MED1: variants seen among roughly 807,000 people sequenced by gnomAD.
MED1 encodes the protein mediator of RNA polymerase II transcription subunit 1.
MED1 carries 17 observed loss-of-function variants against 121.3 expected under a neutral mutation model. The ratio of observed to expected loss-of-function variants is 0.14; its 90% CI spans 0.10 to 0.21. The LOEUF is 0.21. Ranked by LOEUF, MED1 falls within the 10% of genes least tolerant of loss-of-function variation. The probability of loss-of-function intolerance (pLI) is 1.00; values close to 1 mark genes in which losing one functional copy is unlikely to be tolerated. For synonymous variants in MED1, 661 were observed against 694.4 expected (o/e 0.95, Z 0.76); for missense variants, 1,558 against 1,919.4 (o/e 0.81, Z 3.52).
intron 10 of MED1, among the ~76,000 whole-genome samples, chr17:39,425,593 G>C (rs1189959679): frequency 6.6e-6 from 1 of 151,918 alleles, no homozygotes; most frequent in Non-Finnish European, 1.5e-5. Context: ...CACAAGGTCA[G>C]GGGTTCAAGA....
chr17:39,412,975 A>G (rs1267876691), intron 16 of MED1, among the ~76,000 whole-genome samples: 1 of 152,230 alleles, frequency 6.6e-6, no homozygotes. Flanking sequence ...ATTTATTTAC[A>G]AAAATAGGCT....
At chr17:39,427,858 T>C (rs1178972709) in intron 9 of MED1, 68 bp from the exon 10 acceptor site, 2 of 973,240 alleles carry the variant, frequency 2.1e-6, no homozygotes, top group Non-Finnish European at 3.1e-6. Flanking sequence ...AACATTAACA[T>C]TTATTATATA....
At position 39,405,890 on chromosome 17, in the gene MED1, A is replaced by G. The variant is rs2048299180; in HGVS notation, c.*1585T>C. Reference sequence around the variant, plus strand: ...ATGAAGTCACTCCACTTACGACATAACACACAAAGGAATCACCTGGCTTTT... The same window carrying G: ...ATGAAGTCACTCCACTTACGACATAGCACACAAAGGAATCACCTGGCTTTT... On this transcript the variant is annotated 3_prime_UTR_variant, in exon 17 of 17. Transcript: ENST00000300651. The G allele has an allele frequency of 1.0e-6, 1 of 985,456 alleles. No individual in the cohort carries two copies. The allele number at this position is 985,456 out of a possible 1,614,324, so 61.0% of individuals were successfully genotyped here. A position where few individuals can be genotyped will look rare whatever the true frequency, so the allele number is the denominator to read the frequency against.
chr17:39,415,627 A>G (rs559393315), intron 14 of MED1, among the ~76,000 whole-genome samples: 50 of 152,250 alleles, frequency 3.3e-4, no homozygotes, highest in East Asian at 1.9e-4. Flanking sequence ...CCTGACCAAC[A>G]TGGACAAACC....
At chr17:39,432,251 G>A (rs1190045151) in intron 7 of MED1, among the ~76,000 whole-genome samples, 1 of 148,298 alleles carries the variant, frequency 6.7e-6, no homozygotes, top group Non-Finnish European at 1.5e-5. Flanking sequence ...GGTGAGGCAG[G>A]AGAATTGCTT....
chr17:39,427,993 G>C (rs1462544022), intron 9 of MED1, among the ~76,000 whole-genome samples: 2 of 152,086 alleles, frequency 1.3e-5, no homozygotes, highest in Non-Finnish European at 2.9e-5. Flanking sequence ...CCGGCAAGAG[G>C]ATCACTTGAG....
rs750949083 is a variant in MED1 at position 39,405,004 on chromosome 17, CTG to C, written c.*2469_*2470del. On this transcript the variant is annotated 3_prime_UTR_variant, in exon 17 of 17. Coordinates refer to ENST00000300651, the MANE Select transcript of MED1 (RefSeq NM_004774.4). ...AAGACAGAAGAGGAATCAGGTCAAACTGAGAATACATAAGACACCAGCAGCAG... is the reference window on the plus strand; with the variant it reads ...AAGACAGAAGAGGAATCAGGTCAAACAGAATACATAAGACACCAGCAGCAG... The C allele has an allele frequency of 2.7e-5, 13 of 480,196 alleles. No homozygotes were observed. The highest frequency in any genetic ancestry group is 4.0e-5 in the Non-Finnish European group (11 of 278,014). 29.7% of individuals were successfully genotyped at this position (480,196 alleles called of 1,614,324 possible).
chr17:39,431,590 A>T (rs983244277), intron 8 of MED1, among the ~76,000 whole-genome samples: 4 of 152,106 alleles, frequency 2.6e-5, no homozygotes, highest in Non-Finnish European at 5.9e-5. Context: ...AAAGTCTTAT[A>T]ATACTATCAT....
At chr17:39,448,473 G>C (rs1388477068) in intron 1 of MED1, among the ~76,000 whole-genome samples, 3 of 151,116 alleles carry the variant, frequency 2.0e-5, no homozygotes. Context: ...CCTCAGCCTG[G>C]GAGGTCGAAG....
chr17:39,441,473 A>G (rs971133825), intron 3 of MED1, among the ~76,000 whole-genome samples: 4 of 152,206 alleles, frequency 2.6e-5, no homozygotes, highest in African/African-American at 9.6e-5. Context: ...TTTTACCACA[A>G]TTAAAACAGA....
chr17:39,450,795 T>C (rs1395555401), intron 1 of MED1, among the ~76,000 whole-genome samples: 3 of 152,194 alleles, frequency 2.0e-5, no homozygotes, highest in African/African-American at 7.2e-5. Context: ...CCCACCACTT[T>C]AGGCCAAAAG....
At chr17:39,421,888 G>A (rs2048468234) in intron 13 of MED1, among the ~76,000 whole-genome samples, 1 of 151,838 alleles carries the variant, frequency 6.6e-6, no homozygotes, top group Non-Finnish European at 1.5e-5. Flanking sequence ...TAGCACTTTG[G>A]GAGGCCGAGG....
Position 39,405,722 on chromosome 17 carries a change from C to T in MED1, c.*1753G>A. Reference sequence around the variant, plus strand: ...TTATTACCTTGGGACACAAAAGTGGCAGAGTTGTTGAGAGCTGATGACAAT... The same window carrying T: ...TTATTACCTTGGGACACAAAAGTGGTAGAGTTGTTGAGAGCTGATGACAAT... On this transcript the variant is annotated 3_prime_UTR_variant, in exon 17 of 17. Coordinates refer to ENST00000300651, the MANE Select transcript of MED1 (RefSeq NM_004774.4). 1 of 991,678 alleles carries T rather than the reference C, an allele frequency of 1.0e-6. No homozygotes were observed. The highest frequency in any genetic ancestry group is 1.2e-6 in the Non-Finnish European group (1 of 833,890). The allele number at this position is 991,678 out of a possible 1,614,324, so 61.4% of individuals were successfully genotyped here.
intron 2 of MED1, 27 bp downstream of exon 2, chr17:39,447,771 C>T: frequency 6.6e-7 from 1 of 1,520,478 alleles, no homozygotes. Flanking sequence ...AAGCAAAACA[C>T]TTTACCCACT....
At chr17:39,437,063 G>A (rs2048626136) in intron 6 of MED1, among the ~76,000 whole-genome samples, 1 of 152,006 alleles carries the variant, frequency 6.6e-6, no homozygotes, top group African/African-American at 2.4e-5. Context: ...CTCCCAAGTA[G>A]CTGAGATTAC....
At chr17:39,434,444 C>T (rs2144756429) in intron 6 of MED1, 124 bp from the exon 7 acceptor site, 3 of 500,412 alleles carry the variant, frequency 6.0e-6, no homozygotes, top group East Asian at 3.5e-5. Context: ...CAGCTTTAAC[C>T]ATTTTCCTCA....
chr17:39,435,125 G>T lies in MED1; in HGVS notation c.429-805C>A, dbSNP rs201667130. On this transcript the variant is annotated intron_variant, in intron 6 of 16. Transcript: ENST00000300651. The stretch of plus-strand genomic sequence containing the variant: ...GGAGCTTGCAGTGAGCCGAGATCGC[G>T]CCACTGCACTCCAGCCTGGGCAACA... Among the ~76,000 whole-genome samples, 31 of 152,186 alleles carry T rather than the reference G, an allele frequency of 2.0e-4. No individual in the cohort carries two copies. In the East Asian group the frequency reaches 5.2e-3, roughly 26 times the overall value.
In MED1 at chr17:39,409,175, C is replaced by A. The variant is rs757136467; in HGVS notation, c.3046G>T (p.Asp1016Tyr). The part of the protein sequence containing the change: ...KDKPPKRKKA[D>Y]TEGKSPSHSS... Reference sequence around the variant, plus strand: ...TGAGATGGAGACTTTCCCTCAGTGTCTGCCTTCTTCCGCTTTGGAGGCTTA... The same window carrying A: ...TGAGATGGAGACTTTCCCTCAGTGTATGCCTTCTTCCGCTTTGGAGGCTTA... The change falls in exon 17 of 17, where the codon GAC becomes TAC. Residue 1016 changes from aspartate to tyrosine, a missense_variant. By Grantham distance (160) the Asp-to-Tyr change is radical. Coordinates refer to ENST00000300651, the MANE Select transcript of MED1 (RefSeq NM_004774.4). 6.2e-7 allele frequency: 1 copy of A among 1,614,188 alleles called. No individual in the cohort carries two copies. Among genetic ancestry groups the A allele is most frequent in the South Asian group, 1.1e-5 (1 of 91,084 alleles).
chr17:39,431,010 C>T (rs1340191310), intron 9 of MED1, 105 bp downstream of exon 9: 5 of 1,078,054 alleles, frequency 4.6e-6, no homozygotes, highest in South Asian at 4.2e-5. Flanking sequence ...CAAAGTGAGA[C>T]TCTGTCTCAA....
Sources: gnomAD v4.1 joint callset for allele counts (sites outside exome capture counted in the v4.1 genomes callset) on GRCh38, gnomAD v4.1.1 for gene constraint, MANE v1.5 for transcripts, NCBI Gene and HGNC (gene_info 2026-07-23, HGNC 2026-07-21) for gene names.